The following MED15 variants were observed in gnomAD, a reference collection of about 807,000 sequenced individuals.
The protein encoded by MED15 is mediator of RNA polymerase II transcription subunit 15.
MED15 carries 41 observed loss-of-function variants against 118.7 expected under a neutral mutation model. The ratio of observed to expected loss-of-function variants is 0.35; its 90% CI spans 0.27 to 0.45. The LOEUF is 0.45. Among genes scored for constraint, MED15 ranks in the 20% least tolerant of loss-of-function variants. MED15 has a pLI of 1.00. For missense variants in MED15, 740 were observed against 1,025.5 expected (o/e 0.72, Z 3.80); for synonymous variants, 436 against 413.9 (o/e 1.05, Z -0.65).
chr22:20,547,642 A>AC (rs1438189811), intron 2 of MED15, among the ~76,000 whole-genome samples: 1 of 152,080 alleles, frequency 6.6e-6, no homozygotes, highest in African/African-American at 2.4e-5. Flanking sequence ...ACACAGTGAA[A>AC]CCCCGTCTCC....
intron 1 of MED15, among the ~76,000 whole-genome samples, chr22:20,512,565 T>C (rs906025973): frequency 6.6e-6 from 1 of 151,454 alleles, no homozygotes; most frequent in Non-Finnish European, 1.5e-5. Flanking sequence ...TAGTATTTTC[T>C]TGGGGGCTGT....
intron 5 of MED15, among the ~76,000 whole-genome samples, chr22:20,556,275 G>A (rs1442878141): frequency 6.6e-6 from 1 of 151,064 alleles, no homozygotes; most frequent in African/African-American, 2.4e-5. Flanking sequence ...AATCACCTCA[G>A]TTAGAGACTT....
chr22:20,585,717 C>G lies in MED15; in HGVS notation c.2132-11C>G, dbSNP rs2057116046. On this transcript the variant is annotated splice_polypyrimidine_tract_variant and intron_variant, in intron 16 of 17. Coordinates refer to ENST00000263205, the MANE Select transcript of MED15 (RefSeq NM_001003891.3). Reference sequence around the variant, plus strand: ...TTGTCCAGGTCACAGATAGAGCCTTCTGTGTTGCAGATGACAAGGACCTCC... The same window carrying G: ...TTGTCCAGGTCACAGATAGAGCCTTGTGTGTTGCAGATGACAAGGACCTCC... 6.2e-7 allele frequency: 1 copy of G among 1,612,322 alleles called. No individual in the cohort carries two copies. The highest frequency in any genetic ancestry group is 1.3e-5 in the African/African-American group (1 of 74,900).
At chr22:20,559,581 G>C (rs2056152753) in intron 5 of MED15, among the ~76,000 whole-genome samples, 1 of 152,234 alleles carries the variant, frequency 6.6e-6, no homozygotes, top group Non-Finnish European at 1.5e-5. Flanking sequence ...TGAGACTGCA[G>C]AGCACCAAAG....
chr22:20,554,058 C>T (rs1172652903), intron 4 of MED15, among the ~76,000 whole-genome samples: 1 of 152,256 alleles, frequency 6.6e-6, no homozygotes, highest in Non-Finnish European at 1.5e-5. Flanking sequence ...ACGCCACTGT[C>T]TGCCCTGCCC....
At chr22:20,510,250 A>G (rs752716066) in intron 1 of MED15, among the ~76,000 whole-genome samples, 2 of 152,058 alleles carry the variant, frequency 1.3e-5, no homozygotes, top group Non-Finnish European at 2.9e-5. Flanking sequence ...GCTGGGTGTG[A>G]TGGCGCACAC....
chr22:20,585,500 C>A, intron 16 of MED15: 1 of 705,708 alleles, frequency 1.4e-6, no homozygotes, highest in Non-Finnish European at 2.3e-6. Flanking sequence ...TGTGGCTTTG[C>A]TTGCCTGGGC....
intron 1 of MED15, chr22:20,523,616 T>G (rs2054534947): frequency 2.1e-6 from 2 of 968,266 alleles, no homozygotes; most frequent in Non-Finnish European, 2.5e-6. Context: ...GAGATCAGCA[T>G]TTGGGTTGGC....
intron 2 of MED15, among the ~76,000 whole-genome samples, chr22:20,537,881 T>C (rs891523251): frequency 1.3e-5 from 2 of 152,004 alleles, no homozygotes; most frequent in African/African-American, 4.8e-5. Context: ...TGGGGTAGAG[T>C]GGGCTCTGTA....
At chr22:20,583,577 C>T in intron 13 of MED15, 184 bp downstream of exon 13, 1 of 681,416 alleles carries the variant, frequency 1.5e-6, no homozygotes, top group Non-Finnish European at 2.4e-6. Context: ...CATCTTGGCC[C>T]ATGCCCAGCC....
chr22:20,537,262 C>CA (rs2055116965), intron 2 of MED15, 58 bp downstream of exon 2: 1 of 1,471,636 alleles, frequency 6.8e-7, no homozygotes, highest in African/African-American at 1.4e-5. Flanking sequence ...GAGAGCATCA[C>CA]AGACTCTGGA....
intron 1 of MED15, among the ~76,000 whole-genome samples, chr22:20,515,667 G>A (rs1192531978): frequency 6.6e-6 from 1 of 151,882 alleles, no homozygotes; most frequent in East Asian, 1.9e-4. Flanking sequence ...GCGGGCACCT[G>A]TAGTCCCGGT....
chr22:20,527,830 G>A lies in MED15; in HGVS notation c.69-9287G>A, dbSNP rs368297759. On this transcript the variant is annotated intron_variant, in intron 1 of 17. Transcript: ENST00000263205. ...AAATTAGCTGGGCATGGTGGCGCGC[G>A]CCTGTAGTCCCAGCTACTCGGGAGG... Among the ~76,000 whole-genome samples, 84 of 151,814 alleles carry A rather than the reference G, an allele frequency of 5.5e-4. 1 individual carries two copies. In the South Asian group the frequency reaches 0.014, roughly 25 times the overall value.
intron 9 of MED15, among the ~76,000 whole-genome samples, chr22:20,579,981 G>T (rs1187037582): frequency 6.6e-6 from 1 of 151,930 alleles, no homozygotes; most frequent in Non-Finnish European, 1.5e-5. Context: ...TGAGTCTTTG[G>T]GGGGCTGCTT....
intron 1 of MED15, among the ~76,000 whole-genome samples, chr22:20,517,536 AC>A (rs1436687863): frequency 1.3e-5 from 2 of 150,982 alleles, no homozygotes; most frequent in African/African-American, 4.9e-5. Context: ...CACTGCCCCC[AC>A]CCCGCTGCTC....
intron 7 of MED15, 125 bp from the exon 8 acceptor site, chr22:20,568,394 CAT>C: frequency 7.2e-7 from 1 of 1,385,684 alleles, no homozygotes; most frequent in Non-Finnish European, 9.8e-7. Context: ...CATCACAGCA[CAT>C]GAGGTCATGA....
rs536909007 is a variant in MED15 at position 20,514,367 on chromosome 22, T to C, written c.68+6621T>C. ...ACTAGTGCTGCACCTGTCATACAGGTTTGTAGAAAATATTTAAGCTGTGAA... is the reference window on the plus strand; with the variant it reads ...ACTAGTGCTGCACCTGTCATACAGGCTTGTAGAAAATATTTAAGCTGTGAA... On this transcript the variant is annotated intron_variant, in intron 1 of 17. Transcript: ENST00000263205. 2.6e-5 allele frequency among the ~76,000 whole-genome samples: 4 copies of C among 152,322 alleles called. No individual in the cohort carries two copies. In the South Asian group the frequency reaches 8.3e-4, roughly 32 times the overall value.
chr22:20,555,868 C>T (rs1441293173), intron 5 of MED15, among the ~76,000 whole-genome samples: 1 of 152,200 alleles, frequency 6.6e-6, no homozygotes. Flanking sequence ...ACTATAGGCT[C>T]ACAGCACCGC....
intron 8 of MED15, among the ~76,000 whole-genome samples, chr22:20,569,083 C>T (rs560432811): frequency 5.3e-5 from 8 of 152,112 alleles, no homozygotes; most frequent in Non-Finnish European, 7.4e-5. Flanking sequence ...TCCTGGTGCT[C>T]GCCTGCACTC....
Sources: allele counts gnomAD v4.1 joint callset (sites outside exome capture counted in the v4.1 genomes callset), GRCh38; gene constraint gnomAD v4.1.1; transcripts MANE v1.5; gene names NCBI Gene and HGNC (gene_info 2026-07-23, HGNC 2026-07-21).